Variants in VPS13A observed in about 807,000 individuals in gnomAD.
The protein encoded by VPS13A is vacuolar protein sorting 13 homolog A, also known as intermembrane lipid transfer protein VPS13A.
VPS13A carries 264 observed loss-of-function variants against 390.9 expected under a neutral mutation model. The observed-to-expected ratio is 0.68, with a 90% CI of 0.61 to 0.75. The LOEUF (loss-of-function observed/expected upper bound fraction) is 0.75, where lower values mean the gene tolerates loss of function less well. Ranked by LOEUF, VPS13A falls within the 30% of genes least tolerant of loss-of-function variation. The probability of loss-of-function intolerance (pLI) is 0.00; values close to 1 mark genes in which losing one functional copy is unlikely to be tolerated. For synonymous variants in VPS13A, 1,231 were observed against 1,227.1 expected (o/e 1.00, Z -0.07); for missense variants, 3,409 against 3,733.9 (o/e 0.91, Z 2.27).
At chr9:77,296,136 G>A (rs999823016) in intron 33 of VPS13A, among the ~76,000 whole-genome samples, 5 of 152,062 alleles carry the variant, frequency 3.3e-5, no homozygotes, top group Admixed American at 3.3e-4. Context: ...TAAATTACAT[G>A]GCTATGGAAA....
Position 77,360,531 on chromosome 9 carries a change from T to C in VPS13A, c.8106-5T>C. ...TTAAAAAATGTTTTCTACTTTGTAA[T>C]ACAGGTATTTCAAAGTATTGATTCA... On this transcript the variant is annotated splice_polypyrimidine_tract_variant and splice_region_variant and intron_variant, in intron 58 of 71. Transcript: ENST00000360280. 1 of 1,598,338 alleles carries C rather than the reference T, an allele frequency of 6.3e-7. No homozygotes were observed. The highest frequency in any genetic ancestry group is 8.6e-7 in the Non-Finnish European group (1 of 1,166,070).
rs144639369 is a variant in VPS13A, at chr9:77,235,902, A to G, written c.1596-2100A>G. On this transcript the variant is annotated intron_variant, in intron 17 of 71. Transcript: ENST00000360280. The stretch of plus-strand genomic sequence containing the variant: ...TTAGAATGGTGCGAAAGTGATCCAT[A>G]TTTAGTAGAAATCTTACTTTGAGTA... Among the ~76,000 whole-genome samples the G allele has an allele frequency of 2.0e-5, 3 of 152,292 alleles. No individual in the cohort carries two copies. The East Asian group carries it at 5.8e-4, about 29-fold the overall frequency.
At chr9:77,355,530 G>T (rs1162369052) in intron 54 of VPS13A, among the ~76,000 whole-genome samples, 1 of 151,992 alleles carries the variant, frequency 6.6e-6, no homozygotes, top group Admixed American at 6.6e-5. Flanking sequence ...TTCTCTCTTA[G>T]GTATGTCTTC....
Position 77,351,349 on chromosome 9 carries a change from C to G in VPS13A, c.7322C>G (p.Pro2441Arg). ...AGTGAAATAGAAGATTCCCTCCCTCCTGGTAAAGCCGTGTTTTATACATGG... is the reference window on the plus strand; with the variant it reads ...AGTGAAATAGAAGATTCCCTCCCTCGTGGTAAAGCCGTGTTTTATACATGG... ...SLSEIEDSLP[P>R]GKAVFYTWAD... Residue 2441 changes from proline to arginine, a missense_variant, in exon 53 of 72, where the codon CCT becomes CGT. By Grantham distance (103) the Pro-to-Arg change is moderately radical. Coordinates refer to ENST00000360280, the MANE Select transcript of VPS13A (RefSeq NM_033305.3). 1 of 1,613,772 alleles carries G rather than the reference C, an allele frequency of 6.2e-7. No homozygotes were observed. The highest frequency in any genetic ancestry group is 8.5e-7 in the Non-Finnish European group (1 of 1,179,824).
intron 59 of VPS13A, 83 bp downstream of exon 59, chr9:77,360,724 T>A: frequency 9.6e-7 from 1 of 1,038,014 alleles, no homozygotes; most frequent in Non-Finnish European, 1.5e-6. Context: ...TAAAATGACT[T>A]TGTTGCATTT....
At chr9:77,274,910 C>T (rs981117258) in intron 24 of VPS13A, among the ~76,000 whole-genome samples, 1 of 151,952 alleles carries the variant, frequency 6.6e-6, no homozygotes, top group African/African-American at 2.4e-5. Flanking sequence ...AATGGTTTTA[C>T]TAAGTTATCT....
At chr9:77,201,527 G>C (rs1485863866) in intron 3 of VPS13A, 120 bp downstream of exon 3, 5 of 951,452 alleles carry the variant, frequency 5.3e-6, no homozygotes, top group South Asian at 4.0e-5. Context: ...AAATAATCAT[G>C]TGTTTTTGTC....
At chr9:77,384,808 C>T in intron 68 of VPS13A, 1 of 1,486,592 alleles carries the variant, frequency 6.7e-7, no homozygotes, top group South Asian at 1.3e-5. Context: ...TGTTTTCCTA[C>T]ACATTTTCAT....
chr9:77,253,551 C>T (rs1825264468), intron 22 of VPS13A, among the ~76,000 whole-genome samples: 1 of 152,096 alleles, frequency 6.6e-6, no homozygotes, highest in Non-Finnish European at 1.5e-5. Context: ...GTGATCCACC[C>T]GCCTCAGCCT....
intron 13 of VPS13A, 27 bp downstream of exon 13, chr9:77,221,383 G>C (rs754112638): frequency 6.2e-7 from 1 of 1,610,470 alleles, no homozygotes; most frequent in South Asian, 1.1e-5. Flanking sequence ...AAATTGTTGA[G>C]TGTTTTATAC....
chr9:77,293,489 A>T lies in VPS13A; in HGVS notation c.3488A>T (p.Lys1163Ile). Reference protein sequence around the residue: ...VGCIEVVFVTKFLYSILAFID... With the variant: ...VGCIEVVFVTIFLYSILAFID... ...TGCATTGAAGTAGTTTTTGTCACGA[A>T]ATTTCTATATTCTATATTGGTAAGT... The change falls in exon 32 of 72, where the codon AAA (lysine) becomes ATA (isoleucine). Residue 1163 changes from lysine to isoleucine, a missense_variant. Transcript: ENST00000360280. 6.3e-7 allele frequency: 1 copy of T among 1,585,756 alleles called. No homozygotes were observed. The highest frequency in any genetic ancestry group is 8.6e-7 in the Non-Finnish European group (1 of 1,164,874).
intron 10 of VPS13A, among the ~76,000 whole-genome samples, chr9:77,215,699 A>C (rs1306234592): frequency 1.3e-5 from 2 of 152,242 alleles, no homozygotes; most frequent in African/African-American, 4.8e-5. Context: ...CGGGGTGCCC[A>C]AAAGAGAGGG....
In VPS13A at chr9:77,417,723, C is replaced by A. The variant is rs1835212914; in HGVS notation, c.*1717C>A. Reference sequence around the variant, plus strand: ...ACCATTCTCAGAAAAATTACAGTCCCCTGCCTCCCTGGGTGTAGTGTCGTG... The same window carrying A: ...ACCATTCTCAGAAAAATTACAGTCCACTGCCTCCCTGGGTGTAGTGTCGTG... On this transcript the variant is annotated 3_prime_UTR_variant, in exon 72 of 72. Transcript: ENST00000360280. 1 of 152,128 alleles carries A rather than the reference C, an allele frequency of 6.6e-6. No homozygotes were observed. The highest frequency in any genetic ancestry group is 2.1e-4 in the South Asian group (1 of 4,820). The allele number at this position is 152,128 out of a possible 1,614,324, so 9.4% of individuals were successfully genotyped here. A position where few individuals can be genotyped will look rare whatever the true frequency, so the allele number is the denominator to read the frequency against.
chr9:77,295,498 G>T lies in VPS13A; in HGVS notation c.3508-44G>T, dbSNP rs1317304. ...AATATCAATATATATTTAATAAGTC[G>T]TATTTATTAATAACCTTAAGAATAT... On this transcript the variant is annotated intron_variant, in intron 32 of 71. Coordinates refer to ENST00000360280, the MANE Select transcript of VPS13A (RefSeq NM_033305.3). 445,581 of 1,455,814 alleles carry T rather than the reference G, an allele frequency of 0.31. 69,948 individuals are homozygous for T. The highest frequency in any genetic ancestry group is 0.34 in the Middle Eastern group (1,683 of 4,992). The allele number at this position is 1,455,814 out of a possible 1,614,324, so 90.2% of individuals were successfully genotyped here.
chr9:77,251,577 A>ATT (rs952428959), intron 21 of VPS13A, among the ~76,000 whole-genome samples: 4 of 151,594 alleles, frequency 2.6e-5, no homozygotes, highest in Non-Finnish European at 5.9e-5. Context: ...TTGTGAATGT[A>ATT]TTTTTTTTAC....
chr9:77,354,882 A>T (rs72746026), intron 54 of VPS13A, among the ~76,000 whole-genome samples: 8,718 of 152,188 alleles, frequency 0.057, 365 homozygotes, highest in South Asian at 0.12. Context: ...AGTTTACAGT[A>T]GATATATGTG....
chr9:77,312,094 A>G (rs1046603045), intron 35 of VPS13A, among the ~76,000 whole-genome samples: 2 of 152,190 alleles, frequency 1.3e-5, no homozygotes, highest in Non-Finnish European at 2.9e-5. Flanking sequence ...CTACCACCAG[A>G]AACTAGAAAA....
At position 77,403,414 on chromosome 9, in the gene VPS13A, A is replaced by G. The variant is rs1443241924; in HGVS notation, c.9275+93A>G. On this transcript the variant is annotated intron_variant, in intron 69 of 71. Coordinates refer to ENST00000360280, the MANE Select transcript of VPS13A (RefSeq NM_033305.3). ...ATTTGTTATTCACCTTTTGTTCCAT[A>G]TAGTCACACTGATTCTTGGGTCTTC... is the stretch of plus-strand genomic sequence containing the variant. The G allele has an allele frequency of 3.9e-6, 4 of 1,022,578 alleles. No individual in the cohort carries two copies. In the African/African-American group the frequency reaches 4.7e-5, roughly 12 times the overall value. 63.3% of individuals were successfully genotyped at this position (1,022,578 alleles called of 1,614,324 possible).
chr9:77,333,426 A>ATTTT (rs34369162), intron 46 of VPS13A, among the ~76,000 whole-genome samples: 3,977 of 107,558 alleles, frequency 0.037, 150 homozygotes, highest in Non-Finnish European at 0.053. Context: ...CTCATTAGGC[A>ATTTT]TTTTTTTTTT....
Sources: allele counts gnomAD v4.1 joint callset (sites outside exome capture counted in the v4.1 genomes callset), GRCh38; gene constraint gnomAD v4.1.1; transcripts MANE v1.5; gene names NCBI Gene and HGNC (gene_info 2026-07-23, HGNC 2026-07-21).